Variants in GPC6 observed in about 807,000 individuals in gnomAD.
GPC6 encodes the protein glypican 6, also known as glypican-6.
GPC6 carries 14 observed loss-of-function variants against 55.2 expected under a neutral mutation model. The observed-to-expected ratio is 0.25, with a 90% confidence interval of 0.17 to 0.40. The LOEUF (loss-of-function observed/expected upper bound fraction) is 0.40. Ranked by LOEUF, GPC6 falls within the 10% of genes least tolerant of loss-of-function variation. GPC6 has a pLI of 1.00. For synonymous variants in GPC6, 278 were observed against 259.6 expected, an observed-to-expected ratio of 1.07 and a Z score of -0.68; for missense variants, 641 against 708.5, an observed-to-expected ratio of 0.90 and a Z score of 1.08.
chr13:94,301,290 G>A (rs775617015), intron 5 of GPC6, among the ~76,000 whole-genome samples: 11 of 152,122 alleles, frequency 7.2e-5, no homozygotes, highest in African/African-American at 1.9e-4. Flanking sequence ...CCAGCTACTC[G>A]GGAGGCTGAG....
At chr13:93,378,130 T>C (rs1376382194) in intron 1 of GPC6, among the ~76,000 whole-genome samples, 2 of 152,208 alleles carry the variant, frequency 1.3e-5, no homozygotes, top group African/African-American at 4.8e-5. Context: ...GTAAGCAAAA[T>C]ATAAGTATTA....
At chr13:94,322,940 T>C (rs1876910302) in intron 6 of GPC6, among the ~76,000 whole-genome samples, 1 of 152,108 alleles carries the variant, frequency 6.6e-6, no homozygotes, top group African/African-American at 2.4e-5. Context: ...CTAGATAGAC[T>C]GGTCTGGCAC....
intron 2 of GPC6, among the ~76,000 whole-genome samples, chr13:93,732,768 G>C (rs1451171128): frequency 6.6e-6 from 1 of 152,046 alleles, no homozygotes; most frequent in East Asian, 1.9e-4. Flanking sequence ...TAGGATGCAA[G>C]TCATGTGTGT....
At chr13:94,113,269 T>A (rs1886314185) in intron 4 of GPC6, among the ~76,000 whole-genome samples, 1 of 152,164 alleles carries the variant, frequency 6.6e-6, no homozygotes, top group East Asian at 1.9e-4. Flanking sequence ...CAAGTGGGAA[T>A]GCTACAGTTC....
chr13:93,435,692 G>C (rs1434059972), intron 1 of GPC6, among the ~76,000 whole-genome samples: 1 of 152,166 alleles, frequency 6.6e-6, no homozygotes, highest in Admixed American at 6.6e-5. Context: ...CAGTCCATGA[G>C]AGTCTTCTTA....
At chr13:94,251,528 C>T (rs1891349266) in intron 4 of GPC6, among the ~76,000 whole-genome samples, 1 of 151,782 alleles carries the variant, frequency 6.6e-6, no homozygotes, top group African/African-American at 2.4e-5. Context: ...ACAAAGCCCC[C>T]AAATCCCAGA....
At chr13:93,357,302 T>C (rs1234329866) in intron 1 of GPC6, among the ~76,000 whole-genome samples, 4 of 152,234 alleles carry the variant, frequency 2.6e-5, no homozygotes, top group African/African-American at 9.6e-5. Context: ...AATTGTTCAA[T>C]TTTGTAATTG....
intron 5 of GPC6, among the ~76,000 whole-genome samples, chr13:94,298,531 G>T (rs2139101895): frequency 6.6e-6 from 1 of 152,288 alleles, no homozygotes; most frequent in Admixed American, 6.5e-5. Context: ...CATTGCCTGA[G>T]CTCTGAGCCC....
At chr13:93,389,036 T>C (rs1485760092) in intron 1 of GPC6, among the ~76,000 whole-genome samples, 3 of 152,148 alleles carry the variant, frequency 2.0e-5, no homozygotes, top group Admixed American at 1.3e-4. Context: ...TATTAAGATA[T>C]CTATTGAGCT....
At chr13:94,012,548 C>T (rs1226709623) in intron 3 of GPC6, among the ~76,000 whole-genome samples, 4 of 152,168 alleles carry the variant, frequency 2.6e-5, no homozygotes, top group Admixed American at 2.0e-4. Flanking sequence ...GCAACACAAA[C>T]TTCATATTTA....
intron 2 of GPC6, among the ~76,000 whole-genome samples, chr13:93,581,476 G>A (rs1700368060): frequency 6.6e-6 from 1 of 152,176 alleles, no homozygotes; most frequent in African/African-American, 2.4e-5. Context: ...GAGAGGCCAA[G>A]GCAGGTAGAT....
At chr13:93,871,425 A>C (rs1012516743) in intron 3 of GPC6, among the ~76,000 whole-genome samples, 4 of 151,956 alleles carry the variant, frequency 2.6e-5, no homozygotes, top group African/African-American at 9.7e-5. Context: ...AGTTTATTCA[A>C]CTGTAATGAC....
Position 93,597,532 on chromosome 13 carries a change from A to G in GPC6, c.319+52111A>G, listed in dbSNP as rs574107322. 1.2e-4 allele frequency among the ~76,000 whole-genome samples: 18 copies of G among 152,280 alleles called. No individual in the cohort carries two copies. In the South Asian group the frequency reaches 3.5e-3, roughly 30 times the overall value. ...GAATTACAGTTGACCCTTGAGCAAC[A>G]TATGTTTGAACTGCAGAGGTTCACT... On this transcript the variant is annotated intron_variant, in intron 2 of 8. Coordinates refer to ENST00000377047, the MANE Select transcript of GPC6 (RefSeq NM_005708.5).
Position 93,996,180 on chromosome 13 carries a change from G to A in GPC6, c.712-31549G>A, listed in dbSNP as rs1881545724. Among the ~76,000 whole-genome samples, 3 of 152,162 alleles carry A rather than the reference G, an allele frequency of 2.0e-5. No individual in the cohort carries two copies. The South Asian group carries it at 6.2e-4, about 32-fold the overall frequency. ...AAGTGAATAGTTTACCATTAAAACT[G>A]TAATTTCCTTTAAAAATTTTTGGAA... is the stretch of plus-strand genomic sequence containing the variant. On this transcript the variant is annotated intron_variant, in intron 3 of 8. Coordinates refer to ENST00000377047, the MANE Select transcript of GPC6 (RefSeq NM_005708.5).
intron 6 of GPC6, among the ~76,000 whole-genome samples, chr13:94,356,472 T>A (rs1878801226): frequency 6.6e-6 from 1 of 152,248 alleles, no homozygotes; most frequent in Admixed American, 6.5e-5. Flanking sequence ...TTGCCCTCTT[T>A]TGTTCACTAC....
chr13:93,676,203 G>GTATGTATATGTGTATATATACATGTA (rs1881624939), intron 2 of GPC6, among the ~76,000 whole-genome samples: 4 of 120,594 alleles, frequency 3.3e-5, no homozygotes, highest in South Asian at 3.0e-4. Flanking sequence ...ATATATGTAT[G>GTATGTATATGTGTATATATACATGTA]TATGTATATG....
chr13:94,324,030 T>C (rs1207998626), intron 6 of GPC6, among the ~76,000 whole-genome samples: 1 of 152,076 alleles, frequency 6.6e-6, no homozygotes, highest in African/African-American at 2.4e-5. Flanking sequence ...TCCGGCATTG[T>C]TGTCGAATAA....
Position 93,982,426 on chromosome 13 carries a change from G to A in GPC6, c.712-45303G>A, listed in dbSNP as rs1442552219. 2.0e-5 allele frequency among the ~76,000 whole-genome samples: 3 copies of A among 152,266 alleles called. No homozygotes were observed. The East Asian group carries it at 5.8e-4, about 29-fold the overall frequency. ...GCCCATTTGCTGTTTGGAAGAGACC[G>A]AGGGAAAGGTCACAGAAGATTACTA... is the stretch of plus-strand genomic sequence containing the variant. On this transcript the variant is annotated intron_variant, in intron 3 of 8. Coordinates refer to ENST00000377047, the MANE Select transcript of GPC6 (RefSeq NM_005708.5).
At chr13:93,284,586 G>A (rs1878051262) in intron 1 of GPC6, among the ~76,000 whole-genome samples, 1 of 152,164 alleles carries the variant, frequency 6.6e-6, no homozygotes, top group Non-Finnish European at 1.5e-5. Flanking sequence ...TTGTGAAGCT[G>A]TTTATATAGA....
Sources: allele counts gnomAD v4.1 joint callset (sites outside exome capture counted in the v4.1 genomes callset), GRCh38; gene constraint gnomAD v4.1.1; transcripts MANE v1.5; gene names NCBI Gene and HGNC (gene_info 2026-07-23, HGNC 2026-07-21).